Variants in DAGLA observed in about 807,000 individuals in gnomAD.
DAGLA encodes the protein diacylglycerol lipase-alpha.
In DAGLA, 22 loss-of-function variants were observed where a neutral mutation model predicts 102.6. The ratio of observed to expected loss-of-function variants is 0.21; its 90% CI spans 0.15 to 0.31. The LOEUF (loss-of-function observed/expected upper bound fraction) is 0.31. Among genes scored for constraint, DAGLA ranks in the 10% least tolerant of loss-of-function variants. DAGLA has a pLI of 1.00. For missense variants in DAGLA, 927 were observed against 1,446.6 expected (o/e 0.64, Z 5.83); for synonymous variants, 578 against 628.9 (o/e 0.92, Z 1.21).
Position 61,735,687 on chromosome 11 carries a change from C to T in DAGLA, c.1212+43C>T, listed in dbSNP as rs368788097. 30 of 1,612,764 alleles carry T rather than the reference C, an allele frequency of 1.9e-5. No individual in the cohort carries two copies. In the African/African-American group the frequency reaches 3.6e-4, roughly 19 times the overall value. ...CCCAGCCCCCGGGGGTGCCTGCCTC[C>T]CTCTTCCTGTCCTCTTTAGCCGCCC... is the stretch of plus-strand genomic sequence containing the variant. On this transcript the variant is annotated intron_variant, in intron 11 of 19. Transcript: ENST00000257215.
In DAGLA at chr11:61,735,827, T is replaced by A; in HGVS notation, c.1290+11T>A. ...TGGCTGGGCCACAAGGTAACCCACG[T>A]CATGGACCCCAGGGCCCCTGGGCTT... On this transcript the variant is annotated intron_variant, in intron 12 of 19. Coordinates refer to ENST00000257215, the MANE Select transcript of DAGLA (RefSeq NM_006133.3). 1 of 1,603,748 alleles carries A rather than the reference T, an allele frequency of 6.2e-7. No homozygotes were observed.
intron 1 of DAGLA, among the ~76,000 whole-genome samples, chr11:61,688,121 C>T (rs2135548510): frequency 6.6e-6 from 1 of 152,108 alleles, no homozygotes; most frequent in African/African-American, 2.4e-5. Context: ...TCGAGACCAT[C>T]CTGGCTAACA....
Position 61,743,919 on chromosome 11 carries a change from G to A in DAGLA, c.2559G>A (p.Thr853=). The change falls in exon 20 of 20, where the codon ACG becomes ACA. Residue 853 remains threonine (T), a synonymous_variant. Coordinates refer to ENST00000257215, the MANE Select transcript of DAGLA (RefSeq NM_006133.3). ...ADSLSKHSQD[T]QPLEAALGSG... is the part of the protein sequence containing the mutation. ...GCCTGTCCAAGCACTCACAGGACAC[G>A]CAGCCCCTGGAGGCGGCCCTGGGCA... 3 of 1,612,114 alleles carry A rather than the reference G, an allele frequency of 1.9e-6. No individual in the cohort carries two copies. The highest frequency in any genetic ancestry group is 1.3e-5 in the African/African-American group (1 of 75,048).
chr11:61,737,851 G>A, intron 15 of DAGLA, 96 bp downstream of exon 15: 6 of 1,086,810 alleles, frequency 5.5e-6, no homozygotes, highest in Non-Finnish European at 4.2e-6. Flanking sequence ...CTCTCAGTCC[G>A]ATTCCTGTCT....
At position 61,680,473 on chromosome 11, in the gene DAGLA, G is replaced by A. The variant is rs572760328; in HGVS notation, c.-76G>A. ...AGCCCAGGATGGAGGTGGCGGTCGC[G>A]GCGGCGGGCCGAGCCCTGCGGCGGG... On this transcript the variant is annotated 5_prime_UTR_variant, in exon 1 of 20. Transcript: ENST00000257215. 53 of 151,838 alleles carry A rather than the reference G, an allele frequency of 3.5e-4. No homozygotes were observed. Among genetic ancestry groups the A allele is most frequent in the African/African-American group, 7.7e-4 (32 of 41,366 alleles). 9.4% of individuals were successfully genotyped at this position (151,838 alleles called of 1,614,324 possible).
At chr11:61,739,368 C>A (rs1316689445) in intron 16 of DAGLA, 97 bp from the exon 17 acceptor site, 1 of 1,265,354 alleles carries the variant, frequency 7.9e-7, no homozygotes, top group Non-Finnish European at 1.1e-6. Context: ...CTGCCCACCT[C>A]TCACCTGCTG....
chr11:61,732,586 C>G (rs1472921870), intron 9 of DAGLA, among the ~76,000 whole-genome samples: 1 of 152,224 alleles, frequency 6.6e-6, no homozygotes, highest in Non-Finnish European at 1.5e-5. Flanking sequence ...GTATCACTGG[C>G]AGGCAGGGCT....
intron 1 of DAGLA, among the ~76,000 whole-genome samples, chr11:61,709,065 G>A (rs970500735): frequency 6.6e-6 from 1 of 152,190 alleles, no homozygotes; most frequent in African/African-American, 2.4e-5. Context: ...CTCAGGCGAG[G>A]GGAGGAAATG....
At chr11:61,703,131 A>G (rs1354386060) in intron 1 of DAGLA, among the ~76,000 whole-genome samples, 1 of 152,066 alleles carries the variant, frequency 6.6e-6, no homozygotes, top group East Asian at 1.9e-4. Context: ...GTGCTCCGAA[A>G]TGGTTTCTCT....
At chr11:61,724,839 G>T (rs1429299261) in intron 5 of DAGLA, among the ~76,000 whole-genome samples, 2 of 152,166 alleles carry the variant, frequency 1.3e-5, no homozygotes. Context: ...GGTTTAGGAT[G>T]TACAGCTGTC....
At position 61,726,022 on chromosome 11, in the gene DAGLA, C is replaced by T. The variant is rs2065322956; in HGVS notation, c.576C>T (p.Thr192=). 1 of 1,613,656 alleles carries T rather than the reference C, an allele frequency of 6.2e-7. No individual in the cohort carries two copies. Among genetic ancestry groups the T allele is most frequent in the Non-Finnish European group, 8.5e-7 (1 of 1,180,044 alleles). ...ACCGCTTAGAGGAGGGTCAAGCCAC[C>T]AGCTGGTCGCGCCGGCTCAAAGTGT... The part of the protein sequence containing the change: ...LRHRLEEGQA[T]SWSRRLKVFL... The change falls in exon 6 of 20, where the codon ACC becomes ACT. Residue 192 remains threonine, a synonymous_variant. Coordinates refer to ENST00000257215, the MANE Select transcript of DAGLA (RefSeq NM_006133.3).
intron 16 of DAGLA, 129 bp downstream of exon 16, chr11:61,738,336 T>C: frequency 1.4e-6 from 1 of 714,464 alleles, no homozygotes; most frequent in Non-Finnish European, 2.3e-6. Context: ...GTGGCTGGTG[T>C]TGTGGGAACT....
At chr11:61,737,367 C>A in intron 14 of DAGLA, 43 bp downstream of exon 14, 1 of 1,603,856 alleles carries the variant, frequency 6.2e-7, no homozygotes, top group Non-Finnish European at 8.5e-7. Context: ...GCAGTTGGGA[C>A]CAGTGGAGGC....
chr11:61,715,848 C>G (rs2065231407), intron 1 of DAGLA, among the ~76,000 whole-genome samples: 1 of 152,228 alleles, frequency 6.6e-6, no homozygotes, highest in Non-Finnish European at 1.5e-5. Flanking sequence ...GTGACATCAC[C>G]CCAGTCTGTT....
intron 1 of DAGLA, among the ~76,000 whole-genome samples, chr11:61,688,262 C>G (rs1176122335): frequency 1.3e-5 from 2 of 150,408 alleles, no homozygotes; most frequent in Admixed American, 6.6e-5. Context: ...TTGCAGTGAG[C>G]CGAGGTCGTG....
intron 10 of DAGLA, 35 bp downstream of exon 10, chr11:61,735,037 A>G (rs1379416721): frequency 1.2e-6 from 2 of 1,603,702 alleles, no homozygotes; most frequent in South Asian, 1.1e-5. Context: ...TGGTGTCAGG[A>G]GCAGGCAGCT....
chr11:61,733,492 A>G (rs141107272), intron 9 of DAGLA, among the ~76,000 whole-genome samples: 5 of 152,366 alleles, frequency 3.3e-5, no homozygotes, highest in Admixed American at 6.5e-5. Context: ...ACCTCCTAGC[A>G]TCACCAGAAT....
intron 1 of DAGLA, among the ~76,000 whole-genome samples, 165 bp from the exon 2 acceptor site, chr11:61,719,943 CCTTT>C (rs763066281): frequency 2.5e-4 from 38 of 152,312 alleles, no homozygotes; most frequent in Non-Finnish European, 4.9e-4. Flanking sequence ...CTGCTAAGGT[CCTTT>C]GTGTTGGCTC....
rs897847338 is a variant in DAGLA at position 61,682,940 on chromosome 11, C to T, written c.-45+2436C>T. On this transcript the variant is annotated intron_variant, in intron 1 of 19. Coordinates refer to ENST00000257215, the MANE Select transcript of DAGLA (RefSeq NM_006133.3). ...CCTCTGAGGGCAGACAGGTGTGGCA[C>T]CTCTCCCAATGTGGCCCCACTTCTG... Among the ~76,000 whole-genome samples the T allele has an allele frequency of 4.6e-5, 7 of 152,096 alleles. No homozygotes were observed. The South Asian group carries it at 6.2e-4, about 14-fold the overall frequency.
Sources: gnomAD v4.1 joint callset for allele counts (sites outside exome capture counted in the v4.1 genomes callset) on GRCh38, gnomAD v4.1.1 for gene constraint, MANE v1.5 for transcripts, NCBI Gene and HGNC (gene_info 2026-07-23, HGNC 2026-07-21) for gene names.